Variants in CD2AP observed in about 807,000 individuals in gnomAD.
CD2AP encodes the protein CD2 associated protein.
A neutral mutation model predicts 85.1 loss-of-function variants in CD2AP; 46 were observed. The observed-to-expected ratio is 0.54, with a 90% CI of 0.43 to 0.69. CD2AP has a LOEUF of 0.69. CD2AP is among the 30% of genes least tolerant of loss of function. CD2AP has a pLI of 0.00. For missense variants in CD2AP, 769 were observed against 729.5 expected, an observed-to-expected ratio of 1.05 and a Z score of -0.62; for synonymous variants, 255 against 252.9, an observed-to-expected ratio of 1.01 and a Z score of -0.08.
intron 2 of CD2AP, among the ~76,000 whole-genome samples, chr6:47,530,822 T>G (rs1307822145): frequency 1.3e-5 from 2 of 152,230 alleles, no homozygotes; most frequent in African/African-American, 4.8e-5. Flanking sequence ...TACTTTAGTG[T>G]CTGTTGAACC....
intron 1 of CD2AP, among the ~76,000 whole-genome samples, chr6:47,480,395 A>G (rs1266094833): frequency 6.6e-6 from 1 of 152,186 alleles, no homozygotes; most frequent in Non-Finnish European, 1.5e-5. Context: ...TTGTCACAAA[A>G]TGAAAAAATC....
At chr6:47,515,330 A>G (rs1766424367) in intron 2 of CD2AP, among the ~76,000 whole-genome samples, 1 of 152,206 alleles carries the variant, frequency 6.6e-6, no homozygotes, top group South Asian at 2.1e-4. Context: ...AAGGTTTTCC[A>G]GAAGATAGAG....
intron 2 of CD2AP, among the ~76,000 whole-genome samples, chr6:47,510,089 T>C (rs895968180): frequency 2.6e-5 from 4 of 152,188 alleles, no homozygotes; most frequent in African/African-American, 9.6e-5. Flanking sequence ...AGTTTATGAG[T>C]ATGGTAGGTA....
chr6:47,582,218 T>C, intron 11 of CD2AP, 153 bp downstream of exon 11: 1 of 622,240 alleles, frequency 1.6e-6, no homozygotes, highest in East Asian at 2.9e-5. Flanking sequence ...GAGGGAGTAG[T>C]TCATTTCTCA....
intron 1 of CD2AP, among the ~76,000 whole-genome samples, chr6:47,494,048 T>C (rs1357564347): frequency 6.6e-6 from 1 of 152,236 alleles, no homozygotes; most frequent in Non-Finnish European, 1.5e-5. Flanking sequence ...AAATGTGTTG[T>C]ATCTGAGTCG....
chr6:47,507,630 A>C (rs752889368), intron 2 of CD2AP, among the ~76,000 whole-genome samples: 1 of 152,176 alleles, frequency 6.6e-6, no homozygotes, highest in Non-Finnish European at 1.5e-5. Context: ...TATTTTCAGT[A>C]GAGATGGGCT....
chr6:47,610,978 T>A (rs1426165468), intron 16 of CD2AP, among the ~76,000 whole-genome samples: 44 of 142,562 alleles, frequency 3.1e-4, no homozygotes, highest in African/African-American at 8.8e-4. Flanking sequence ...TGTATTTTTT[T>A]TTTTTTTTGA....
chr6:47,511,508 A>C (rs932759774), intron 2 of CD2AP, among the ~76,000 whole-genome samples: 10 of 152,248 alleles, frequency 6.6e-5, no homozygotes, highest in Non-Finnish European at 1.2e-4. Flanking sequence ...GTAGTTTAAT[A>C]ATAATGTACC....
chr6:47,624,769 A>G lies in CD2AP; in HGVS notation c.*542A>G, dbSNP rs965656115. Reference sequence around the variant, plus strand: ...CTTTTATCCTCTTACCGAAGGTTACACTGTTGTGCCTGTTTGTCTGCAATG... The same window carrying G: ...CTTTTATCCTCTTACCGAAGGTTACGCTGTTGTGCCTGTTTGTCTGCAATG... On this transcript the variant is annotated 3_prime_UTR_variant, in exon 18 of 18. Transcript: ENST00000359314. The G allele has an allele frequency of 5.3e-5, 8 of 149,674 alleles. No individual in the cohort carries two copies. The highest frequency in any genetic ancestry group is 1.7e-4 in the African/African-American group (7 of 40,480). The allele number at this position is 149,674 out of a possible 1,614,324, so 9.3% of individuals were successfully genotyped here.
chr6:47,588,318 G>A (rs1428486219), intron 11 of CD2AP, among the ~76,000 whole-genome samples: 3 of 152,098 alleles, frequency 2.0e-5, no homozygotes, highest in Non-Finnish European at 4.4e-5. Context: ...TGAGGGAAAA[G>A]GTGTGTGTAT....
chr6:47,554,522 T>A, intron 4 of CD2AP, 124 bp from the exon 5 acceptor site: 2 of 885,486 alleles, frequency 2.3e-6, no homozygotes, highest in Middle Eastern at 2.3e-4. Flanking sequence ...GTTTTAAATT[T>A]TAAAGGGTTT....
intron 2 of CD2AP, among the ~76,000 whole-genome samples, chr6:47,511,480 T>G (rs1299001229): frequency 6.6e-6 from 1 of 152,192 alleles, no homozygotes; most frequent in Non-Finnish European, 1.5e-5. Context: ...AAAAATTGAT[T>G]AAATCCATAT....
chr6:47,528,962 C>G (rs1045469714), intron 2 of CD2AP, among the ~76,000 whole-genome samples: 1 of 152,124 alleles, frequency 6.6e-6, no homozygotes, highest in Non-Finnish European at 1.5e-5. Flanking sequence ...TTCTCACTCT[C>G]TTGATACGTT....
In CD2AP at chr6:47,620,704, C is replaced by G. The variant is rs188498300; in HGVS notation, c.1879-3482C>G. On this transcript the variant is annotated intron_variant, in intron 17 of 17. Coordinates refer to ENST00000359314, the MANE Select transcript of CD2AP (RefSeq NM_012120.3). ...AGCGTGGGATGTGTTTTCATTTGTG[C>G]TGTCTGTGATTTCTTTCAGCAGTGT... Among the ~76,000 whole-genome samples the G allele has an allele frequency of 3.2e-4, 49 of 151,984 alleles. No individual in the cohort carries two copies. In the East Asian group the frequency reaches 5.2e-3, roughly 16 times the overall value.
At chr6:47,530,450 T>C (rs1766843686) in intron 2 of CD2AP, among the ~76,000 whole-genome samples, 1 of 152,238 alleles carries the variant, frequency 6.6e-6, no homozygotes, top group African/African-American at 2.4e-5. Flanking sequence ...AGATTTTTAA[T>C]GTACCATATA....
intron 11 of CD2AP, 39 bp downstream of exon 11, chr6:47,582,104 C>A (rs569067540): frequency 8.4e-7 from 1 of 1,185,452 alleles, no homozygotes; most frequent in South Asian, 1.2e-5. Context: ...GCAATTATTT[C>A]TTTTATTGTC....
At chr6:47,590,895 A>G (rs993916481) in intron 11 of CD2AP, among the ~76,000 whole-genome samples, 5 of 152,196 alleles carry the variant, frequency 3.3e-5, no homozygotes, top group African/African-American at 1.2e-4. Context: ...TGAGGCAAGG[A>G]ATTGAAGAAG....
intron 5 of CD2AP, among the ~76,000 whole-genome samples, chr6:47,560,163 C>T (rs185041716): frequency 7.9e-5 from 12 of 152,150 alleles, no homozygotes; most frequent in East Asian, 7.7e-4. Flanking sequence ...CCCTGATTTA[C>T]GAATTTTTAA....
chr6:47,610,976 T>A lies in CD2AP; in HGVS notation c.1815-1497T>A, dbSNP rs1348989678. Among the ~76,000 whole-genome samples, 408 of 141,898 alleles carry A rather than the reference T, an allele frequency of 2.9e-3. 1 individual carries two copies. Among genetic ancestry groups the A allele is most frequent in the African/African-American group, 5.0e-3 (191 of 38,384 alleles). 93.1% of individuals were successfully genotyped at this position (141,898 alleles called of 152,430 possible). A position where few individuals can be genotyped will look rare whatever the true frequency, so the allele number is the denominator to read the frequency against. On this transcript the variant is annotated intron_variant, in intron 16 of 17. Transcript: ENST00000359314. ...ATATATATATATATATATGTATTTT[T>A]TTTTTTTTTTGAATATAAAACATTT...
Sources: allele counts gnomAD v4.1 joint callset (sites outside exome capture counted in the v4.1 genomes callset), GRCh38; gene constraint gnomAD v4.1.1; transcripts MANE v1.5; gene names NCBI Gene and HGNC (gene_info 2026-07-23, HGNC 2026-07-21).